The following CALR variants were observed in gnomAD, a reference collection of about 807,000 sequenced individuals.
CALR encodes calreticulin.
Under a neutral mutation model 51.1 loss-of-function variants are expected in CALR, and 15 were observed. The ratio of observed to expected loss-of-function variants is 0.29; its 90% CI spans 0.20 to 0.45. The LOEUF is 0.45. Ranked by LOEUF, CALR falls within the 20% of genes least tolerant of loss-of-function variation. CALR has a pLI of 1.00. For missense variants in CALR, 477 were observed against 530.6 expected (o/e 0.90, Z 0.99); for synonymous variants, 239 against 205.9 (o/e 1.16, Z -1.38).
At chr19:12,943,352 T>G (rs949990886) in intron 7 of CALR, 185 bp from the exon 8 acceptor site, 4 of 655,768 alleles carry the variant, frequency 6.1e-6, no homozygotes, top group Non-Finnish European at 1.1e-5. Flanking sequence ...TGGGCGAGGA[T>G]TACAGGCGTG....
rs564793549 is a variant in CALR at position 12,939,453 on chromosome 19, C to T, written c.219C>T (p.Arg73=). Reference sequence around the variant, plus strand: ...GTTTGCAGACAAGCCAGGATGCACGCTTTTATGCTCTGTCGGCCAGTTTCG... The same window carrying T: ...GTTTGCAGACAAGCCAGGATGCACGTTTTTATGCTCTGTCGGCCAGTTTCG... ...DKGLQTSQDA[R]FYALSASFEP... is the part of the protein sequence containing the mutation. Residue 73 remains arginine (R), a synonymous_variant, in exon 3 of 9, where the codon CGC becomes CGT. Coordinates refer to ENST00000316448, the MANE Select transcript of CALR (RefSeq NM_004343.4). 3 of 1,612,452 alleles carry T rather than the reference C, an allele frequency of 1.9e-6. No individual in the cohort carries two copies. The African/African-American group carries it at 4.0e-5, about 22-fold the overall frequency.
At chr19:12,940,222 C>T (rs368172924) in intron 4 of CALR, 21 bp from the exon 5 acceptor site, 10 of 1,612,540 alleles carry the variant, frequency 6.2e-6, no homozygotes, top group Middle Eastern at 1.6e-4. Context: ...GTGGCCCCCG[C>T]TCACCTTCTT....
In CALR at chr19:12,943,603, G is replaced by A; in HGVS notation, c.1027G>A (p.Gly343Ser). Residue 343 changes from glycine (G) to serine (S), a missense_variant, in exon 8 of 9, where the codon GGC (glycine) becomes AGC (serine). By Grantham distance (56) the Gly-to-Ser change is moderately conservative. Transcript: ENST00000316448. ...TNDEAYAEEF[G>S]NETWGVTKAA... ...CGATGAGGCATACGCTGAGGAGTTT[G>A]GCAACGAGACGTGGGGCGTAACAAA... The A allele has an allele frequency of 6.2e-7, 1 of 1,614,174 alleles. No homozygotes were observed.
chr19:12,942,998 C>T (rs909348309), intron 7 of CALR, among the ~76,000 whole-genome samples: 26 of 151,624 alleles, frequency 1.7e-4, no homozygotes, highest in Admixed American at 3.9e-4. Flanking sequence ...TCAAGTGATC[C>T]GTTCGCCATG....
intron 7 of CALR, 43 bp from the exon 8 acceptor site, chr19:12,943,494 T>C: frequency 6.4e-7 from 1 of 1,561,356 alleles, no homozygotes; most frequent in Non-Finnish European, 8.8e-7. Context: ...AAGCAAGGGC[T>C]ATCGGGTATC....
chr19:12,939,293 T>A, intron 2 of CALR, 58 bp downstream of exon 2: 1 of 1,434,046 alleles, frequency 7.0e-7, no homozygotes, highest in Admixed American at 1.8e-5. Flanking sequence ...GAAGTCCTTG[T>A]CTGTACACAC....
intron 2 of CALR, 36 bp from the exon 3 acceptor site, chr19:12,939,392 A>AG (rs1241966046): frequency 6.2e-7 from 1 of 1,605,016 alleles, no homozygotes; most frequent in African/African-American, 1.3e-5. Context: ...TCGCGAGTCA[A>AG]GGCCCAACGG....
chr19:12,940,452 G>A lies in CALR; in HGVS notation c.702G>A (p.Glu234=). ...KIDDPTDSKP[E]DWDKPEHIPD... Reference sequence around the variant, plus strand: ...ATGATCCCACAGACTCCAAGCCTGAGGTTGGTGTTTGGGCAGGGGCTCTGC... The same window carrying A: ...ATGATCCCACAGACTCCAAGCCTGAAGTTGGTGTTTGGGCAGGGGCTCTGC... Residue 234 remains glutamate, a splice_region_variant and synonymous_variant, in exon 5 of 9, where the codon GAG becomes GAA. Transcript: ENST00000316448. 6.2e-7 allele frequency: 1 copy of A among 1,614,202 alleles called. No individual in the cohort carries two copies. The highest frequency in any genetic ancestry group is 2.2e-5 in the East Asian group (1 of 44,890).
Position 12,940,540 on chromosome 19 carries a change from G to A in CALR, c.703-1G>A. 1 of 1,614,098 alleles carries A rather than the reference G, an allele frequency of 6.2e-7. No homozygotes were observed. The highest frequency in any genetic ancestry group is 8.5e-7 in the Non-Finnish European group (1 of 1,179,964). ...CTCTGATCTCTTCATCTACCCCCCA[G>A]GACTGGGACAAGCCCGAGCATATCC... is the stretch of plus-strand genomic sequence containing the variant. On this transcript the variant is annotated splice_acceptor_variant, in intron 5 of 8. Coordinates refer to ENST00000316448, the MANE Select transcript of CALR (RefSeq NM_004343.4). LOFTEE classifies it high-confidence loss of function.
At chr19:12,940,502 A>G in intron 5 of CALR, 39 bp from the exon 6 acceptor site, 2 of 1,613,078 alleles carry the variant, frequency 1.2e-6, no homozygotes, top group Non-Finnish European at 1.7e-6. Flanking sequence ...GGTGTGGAAG[A>G]CATCTGGGCC....
chr19:12,944,028 G>A lies in CALR; in HGVS notation c.*115G>A, dbSNP rs766399808. The A allele has an allele frequency of 4.6e-5, 70 of 1,538,040 alleles. No individual in the cohort carries two copies. In the African/African-American group the frequency reaches 7.7e-4, roughly 17 times the overall value. The stretch of plus-strand genomic sequence containing the variant: ...CTTTCATTTTTTTCCAGGCTGGTTC[G>A]GATTTGGGGTGGATTTTGGTTTTGT... On this transcript the variant is annotated 3_prime_UTR_variant, in exon 9 of 9. Coordinates refer to ENST00000316448, the MANE Select transcript of CALR (RefSeq NM_004343.4).
At position 12,943,807 on chromosome 19, in the gene CALR, A is replaced by ATCCT; in HGVS notation, c.1148_1149insTCCT (p.Glu383AspfsTer7). The ATCCT allele has an allele frequency of 6.3e-7, 1 of 1,584,926 alleles. No individual in the cohort carries two copies. Among genetic ancestry groups the ATCCT allele is most frequent in the Non-Finnish European group, 8.6e-7 (1 of 1,165,170 alleles). ...AAACGCAAAGAGGAGGAGGAGGCAG[A>ATCCT]GGACAAGGAGGATGATGAGGACAAA... On this transcript the variant is annotated frameshift_variant, in exon 9 of 9. Coordinates refer to ENST00000316448, the MANE Select transcript of CALR (RefSeq NM_004343.4). LOFTEE classifies it high-confidence loss of function.
At chr19:12,938,803 A>T in intron 1 of CALR, 33 bp downstream of exon 1, 2 of 1,505,210 alleles carry the variant, frequency 1.3e-6, no homozygotes, top group Non-Finnish European at 1.8e-6. Context: ...GGCCGCCCCG[A>T]CGACGCGGCC....
rs774337397 is a variant in CALR at position 12,940,326 on chromosome 19, G to T, written c.576G>T (p.Glu192Asp). 1.9e-6 allele frequency: 3 copies of T among 1,614,208 alleles called. No individual in the cohort carries two copies. Among genetic ancestry groups the T allele is most frequent in the Admixed American group, 1.7e-5 (1 of 60,020 alleles). Residue 192 changes from glutamate to aspartate, a missense_variant, in exon 5 of 9, where the codon GAG (glutamate) becomes GAT (aspartate). Transcript: ENST00000316448. ...TGAAGATTGACAACAGCCAGGTGGAGTCCGGCTCCTTGGAAGACGATTGGG... is the reference window on the plus strand; with the variant it reads ...TGAAGATTGACAACAGCCAGGTGGATTCCGGCTCCTTGGAAGACGATTGGG... ...YEVKIDNSQV[E>D]SGSLEDDWDF...
intron 7 of CALR, 63 bp from the exon 8 acceptor site, chr19:12,943,474 A>G: frequency 7.0e-7 from 1 of 1,430,354 alleles, no homozygotes. Context: ...ACAGGTGGAA[A>G]CCCTGTCCAA....
At chr19:12,942,206 AC>A (rs1056747211) in intron 7 of CALR, among the ~76,000 whole-genome samples, 6 of 151,900 alleles carry the variant, frequency 3.9e-5, no homozygotes, top group African/African-American at 1.5e-4. Flanking sequence ...TAGTAAAAAT[AC>A]AAAAAATTTG....
intron 7 of CALR, chr19:12,943,305 C>G (rs1009386312): frequency 3.6e-5 from 20 of 551,324 alleles, no homozygotes; most frequent in African/African-American, 3.2e-4. Context: ...AGGGTGGTCT[C>G]GATCTCCTGA....
In CALR at chr19:12,940,158, G is replaced by C. The variant is rs1361192340; in HGVS notation, c.492+11G>C. 15 of 1,613,168 alleles carry C rather than the reference G, an allele frequency of 9.3e-6. No individual in the cohort carries two copies. In the Admixed American group the frequency reaches 2.5e-4, roughly 27 times the overall value. On this transcript the variant is annotated intron_variant, in intron 4 of 8. Coordinates refer to ENST00000316448, the MANE Select transcript of CALR (RefSeq NM_004343.4). ...GACATCCGTTGCAAGGTGTGCCTGG[G>C]GGTGGTGGCAAATGGCTGTCATGGG...
At chr19:12,942,668 C>T (rs1376256470) in intron 7 of CALR, among the ~76,000 whole-genome samples, 1 of 150,118 alleles carries the variant, frequency 6.7e-6, no homozygotes, top group East Asian at 2.0e-4. Context: ...GATCTCGGCT[C>T]ACTGCAGCCT....
Sources: gnomAD v4.1 joint callset for allele counts (sites outside exome capture counted in the v4.1 genomes callset) on GRCh38, gnomAD v4.1.1 for gene constraint, MANE v1.5 for transcripts, NCBI Gene and HGNC (gene_info 2026-07-23, HGNC 2026-07-21) for gene names.